METAP1: variants seen among roughly 807,000 people sequenced by gnomAD.
METAP1 encodes the protein methionine aminopeptidase 1.
In METAP1, 28 loss-of-function variants were observed where a neutral mutation model predicts 53.8. That is an observed-to-expected ratio of 0.52 (90% CI 0.39 to 0.71). The LOEUF is 0.71. METAP1 is among the 30% of genes least tolerant of loss of function. The probability of loss-of-function intolerance (pLI) is 0.00; values close to 1 mark genes in which losing one functional copy is unlikely to be tolerated. For synonymous variants in METAP1, 181 were observed against 165.7 expected, an observed-to-expected ratio of 1.09 and a Z score of -0.71; for missense variants, 389 against 479.8, an observed-to-expected ratio of 0.81 and a Z score of 1.77.
At chr4:99,036,293 T>G (rs1725417926) in intron 4 of METAP1, among the ~76,000 whole-genome samples, 1 of 152,122 alleles carries the variant, frequency 6.6e-6, no homozygotes, top group African/African-American at 2.4e-5. Context: ...TTTTTAAATT[T>G]TAGTTAAACC....
At chr4:99,010,912 TTTTTAATGGAAA>T (rs1327605933) in intron 1 of METAP1, among the ~76,000 whole-genome samples, 1 of 152,196 alleles carries the variant, frequency 6.6e-6, no homozygotes, top group Non-Finnish European at 1.5e-5. Context: ...AGGTATTTTA[TTTTTAATGGAAA>T]TTTATTTTTA....
intron 1 of METAP1, among the ~76,000 whole-genome samples, chr4:99,007,050 T>G (rs1723209589): frequency 6.6e-6 from 1 of 151,744 alleles, no homozygotes; most frequent in South Asian, 2.1e-4. Flanking sequence ...CTCAACCTCC[T>G]GAGCTCAAGT....
In METAP1 at chr4:99,061,587, G is replaced by GCTA. The variant is rs1297236597; in HGVS notation, c.*272_*273insACT. 1.1e-5 allele frequency: 3 copies of GCTA among 276,940 alleles called. No individual in the cohort carries two copies. 17.2% of individuals were successfully genotyped at this position (276,940 alleles called of 1,614,324 possible). On this transcript the variant is annotated 3_prime_UTR_variant, in exon 11 of 11. Transcript: ENST00000296411. ...CCTTTGAGCACTTTTACTTAAACTT[G>GCTA]CTTGTAGTTGCTTTTATCACTGCCG...
At chr4:99,057,608 G>C in intron 9 of METAP1, 145 bp from the exon 10 acceptor site, 1 of 644,958 alleles carries the variant, frequency 1.6e-6, no homozygotes, top group Non-Finnish European at 2.7e-6. Context: ...TATAATACCT[G>C]TTTGTTGAAC....
At chr4:99,045,929 C>T (rs1726198684) in intron 8 of METAP1, among the ~76,000 whole-genome samples, 1 of 152,072 alleles carries the variant, frequency 6.6e-6, no homozygotes, top group Admixed American at 6.6e-5. Flanking sequence ...CTTTTAATGG[C>T]TATGTATTAT....
chr4:99,006,825 G>C (rs190339458), intron 1 of METAP1, among the ~76,000 whole-genome samples: 2 of 152,206 alleles, frequency 1.3e-5, no homozygotes, highest in Admixed American at 1.3e-4. Context: ...TTCTTGAAGA[G>C]GCTAGTCAGT....
intron 1 of METAP1, among the ~76,000 whole-genome samples, chr4:98,998,674 G>C (rs1722761774): frequency 6.6e-6 from 1 of 152,188 alleles, no homozygotes; most frequent in Non-Finnish European, 1.5e-5. Context: ...GGAACAAACA[G>C]AACAAAACTG....
rs1166755127 is a variant in METAP1 at position 99,011,069 on chromosome 4, GT to G, written c.114+15206del. On this transcript the variant is annotated intron_variant, in intron 1 of 10. Coordinates refer to ENST00000296411, the MANE Select transcript of METAP1 (RefSeq NM_015143.3). ...TTTTTTTTTTAATGAAATCTTTAAGGTTTTCTACATGTATAAGATCATGTCA... is the reference window on the plus strand; with the variant it reads ...TTTTTTTTTTAATGAAATCTTTAAGGTTTCTACATGTATAAGATCATGTCA... 2.6e-5 allele frequency among the ~76,000 whole-genome samples: 4 copies of G among 151,176 alleles called. No individual in the cohort carries two copies. In the South Asian group the frequency reaches 8.4e-4, roughly 32 times the overall value.
At chr4:99,027,038 C>T (rs1007433820) in intron 1 of METAP1, among the ~76,000 whole-genome samples, 1 of 152,122 alleles carries the variant, frequency 6.6e-6, no homozygotes, top group African/African-American at 2.4e-5. Context: ...GTTTCATGAA[C>T]CAAGTATAAA....
intron 9 of METAP1, among the ~76,000 whole-genome samples, chr4:99,051,928 G>C (rs1203983691): frequency 6.6e-6 from 1 of 152,192 alleles, no homozygotes; most frequent in African/African-American, 2.4e-5. Flanking sequence ...CTTGTTAGGT[G>C]AGAGTTTATT....
rs1727560779 is a variant in METAP1 at position 99,061,794 on chromosome 4, T to C, written c.*477T>C. The stretch of plus-strand genomic sequence containing the variant: ...TATGTGACCTGGAGTTTGTGTTGTT[T>C]CTGCTCTGACAGGTTTATATGTTCT... On this transcript the variant is annotated 3_prime_UTR_variant, in exon 11 of 11. Transcript: ENST00000296411. 1 of 152,270 alleles carries C rather than the reference T, an allele frequency of 6.6e-6. No individual in the cohort carries two copies. The highest frequency in any genetic ancestry group is 2.1e-4 in the South Asian group (1 of 4,832). 9.4% of individuals were successfully genotyped at this position (152,270 alleles called of 1,614,324 possible).
At chr4:99,022,644 G>T in intron 1 of METAP1, 2 of 963,476 alleles carry the variant, frequency 2.1e-6, no homozygotes, top group South Asian at 3.0e-5. Context: ...CACACCTGGC[G>T]CTCAAAGGCA....
At chr4:99,007,481 C>T (rs1033298740) in intron 1 of METAP1, among the ~76,000 whole-genome samples, 3 of 151,956 alleles carry the variant, frequency 2.0e-5, no homozygotes, top group African/African-American at 4.8e-5. Flanking sequence ...TTTAGCATTG[C>T]GATGATCCTT....
intron 9 of METAP1, among the ~76,000 whole-genome samples, chr4:99,057,191 T>C (rs1727211504): frequency 6.6e-6 from 1 of 152,236 alleles, no homozygotes; most frequent in Non-Finnish European, 1.5e-5. Context: ...AGTAGGTTAA[T>C]GTGCATAGAT....
At chr4:99,056,695 C>T (rs899567414) in intron 9 of METAP1, among the ~76,000 whole-genome samples, 8 of 151,980 alleles carry the variant, frequency 5.3e-5, no homozygotes, top group African/African-American at 1.4e-4. Flanking sequence ...CTCAGCCTCC[C>T]GGTAGCTGGG....
At chr4:99,023,972 C>T (rs549755372) in intron 1 of METAP1, among the ~76,000 whole-genome samples, 21 of 152,174 alleles carry the variant, frequency 1.4e-4, no homozygotes, top group Non-Finnish European at 2.5e-4. Flanking sequence ...GACTACTCCT[C>T]ATATTGTCTT....
At chr4:99,028,943 A>G (rs766204655) in intron 2 of METAP1, 25 bp downstream of exon 2, 3 of 1,486,574 alleles carry the variant, frequency 2.0e-6, no homozygotes, top group South Asian at 1.3e-5. Flanking sequence ...AAATTTTTAC[A>G]CCATTTGTCT....
intron 9 of METAP1, among the ~76,000 whole-genome samples, chr4:99,057,187 T>C (rs1727211188): frequency 6.6e-6 from 1 of 152,192 alleles, no homozygotes; most frequent in African/African-American, 2.4e-5. Flanking sequence ...AAAAAGTAGG[T>C]TAATGTGCAT....
intron 8 of METAP1, 99 bp from the exon 9 acceptor site, chr4:99,048,634 T>C (rs1726451526): frequency 7.7e-7 from 1 of 1,297,500 alleles, no homozygotes; most frequent in Non-Finnish European, 1.1e-6. Context: ...CCTCTCAAAG[T>C]GCTGGGATTA....
Sources: gnomAD v4.1 joint callset for allele counts (sites outside exome capture counted in the v4.1 genomes callset) on GRCh38, gnomAD v4.1.1 for gene constraint, MANE v1.5 for transcripts, NCBI Gene and HGNC (gene_info 2026-07-23, HGNC 2026-07-21) for gene names.